Variants in RNF128 observed in about 807,000 individuals in gnomAD.
The protein encoded by RNF128 is E3 ubiquitin-protein ligase RNF128.
In RNF128, 13 loss-of-function variants were observed where a neutral mutation model predicts 26.2. The ratio of observed to expected loss-of-function variants is 0.50; its 90% CI spans 0.32 to 0.79. The LOEUF (loss-of-function observed/expected upper bound fraction) is 0.79, where lower values mean the gene tolerates loss of function less well. RNF128 is among the 30% of genes least tolerant of loss of function. The pLI, the probability that RNF128 is intolerant of heterozygous loss-of-function variation, is 0.03. For missense variants in RNF128, 315 were observed against 349.7 expected (o/e 0.90, Z 0.79); for synonymous variants, 149 against 142.5 (o/e 1.05, Z -0.32).
At chrX:106,756,269 G>A (rs1465015609) in intron 1 of RNF128, among the ~76,000 whole-genome samples, 2 of 111,181 alleles carry the variant, frequency 1.8e-5, no homozygotes, top group Non-Finnish European at 3.8e-5. Flanking sequence ...AAAAGAGCCC[G>A]CATCACCAAG....
chrX:106,742,035 A>G (rs1318984185), intron 1 of RNF128, among the ~76,000 whole-genome samples: 1 of 111,814 alleles, frequency 8.9e-6, no homozygotes. Context: ...GAAATGTTTC[A>G]TTAGTAGCCA....
intron 2 of RNF128, among the ~76,000 whole-genome samples, chrX:106,778,233 G>C (rs1354567246): frequency 9.0e-6 from 1 of 111,559 alleles, no homozygotes; most frequent in African/African-American, 3.3e-5. Flanking sequence ...ACTGTATACT[G>C]TATGTAGTAC....
At chrX:106,771,560 GGGTTATAATCTCCT>G (rs1930371561) in intron 1 of RNF128, among the ~76,000 whole-genome samples, 1 of 112,876 alleles carries the variant, frequency 8.9e-6, no homozygotes, top group African/African-American at 3.2e-5. Context: ...AGCCAGGCGC[GGGTTATAATCTCCT>G]GGTGTGCCAT....
At position 106,730,831 on chromosome X, in the gene RNF128, G is replaced by A. The variant is rs754113653; in HGVS notation, c.484+3434G>A. On this transcript the variant is annotated intron_variant, in intron 1 of 6. Coordinates refer to ENST00000255499, the MANE Select transcript of RNF128 (RefSeq NM_194463.2). ...AGGGCTGTAAAAAAAAAAAGTGAAT[G>A]AACCAAGCAGTTTAATTAATGATTT... Among the ~76,000 whole-genome samples the A allele has an allele frequency of 5.3e-3, 587 of 111,348 alleles. 3 individuals are homozygous for A. Among genetic ancestry groups the A allele is most frequent in the Non-Finnish European group, 8.5e-3 (450 of 52,998 alleles).
chrX:106,743,704 A>C (rs1308090417), intron 1 of RNF128, among the ~76,000 whole-genome samples: 1 of 112,266 alleles, frequency 8.9e-6, no homozygotes, highest in East Asian at 2.8e-4. Flanking sequence ...GCATATCTGA[A>C]TATAGTTTCC....
At chrX:106,772,171 T>C (rs752745403) in intron 1 of RNF128, among the ~76,000 whole-genome samples, 36 of 111,925 alleles carry the variant, frequency 3.2e-4, no homozygotes, top group African/African-American at 1.1e-3. Flanking sequence ...CTTATATAAT[T>C]GGTGGTAGAG....
At chrX:106,784,437 A>G (rs1010246507) in intron 2 of RNF128, among the ~76,000 whole-genome samples, 1 of 111,959 alleles carries the variant, frequency 8.9e-6, no homozygotes, top group Non-Finnish European at 1.9e-5. Context: ...ACATCTAGAT[A>G]TATGCTCAGT....
intron 3 of RNF128, among the ~76,000 whole-genome samples, chrX:106,786,384 C>T (rs1262940042): frequency 9.0e-6 from 1 of 111,325 alleles, no homozygotes; most frequent in East Asian, 2.8e-4. Flanking sequence ...ATTGGATATC[C>T]TTAAGCAAAA....
chrX:106,782,661 T>A, intron 2 of RNF128, among the ~76,000 whole-genome samples: 1 of 111,931 alleles, frequency 8.9e-6, no homozygotes, highest in Admixed American at 9.5e-5. Context: ...TGGGGGTTGT[T>A]GTGAGGATTA....
chrX:106,788,395 A>C (rs1930712925), intron 4 of RNF128, among the ~76,000 whole-genome samples: 3 of 44,659 alleles, frequency 6.7e-5, no homozygotes, highest in Non-Finnish European at 1.0e-4. Flanking sequence ...TATAATATAT[A>C]TTATATATAA....
At position 106,727,246 on chromosome X, in the gene RNF128, C is replaced by G; in HGVS notation, c.333C>G (p.Thr111=). ...CGGTGCCCACGGTTTGGGGAAGCAC[C>G]GTGCAAGTCTCTTGGTTGGCCCTCA... ...NFTVPTVWGS[T]VQVSWLALIQ... The change falls in exon 1 of 7, where the codon ACC becomes ACG. Residue 111 remains threonine, a synonymous_variant. Transcript: ENST00000255499. The G allele has an allele frequency of 8.3e-7, 1 of 1,211,553 alleles. No homozygotes were observed. Among genetic ancestry groups the G allele is most frequent in the Non-Finnish European group, 1.1e-6 (1 of 895,381 alleles).
chrX:106,736,493 G>C (rs1360980254), intron 1 of RNF128, among the ~76,000 whole-genome samples: 2 of 110,774 alleles, frequency 1.8e-5, no homozygotes, highest in Non-Finnish European at 3.8e-5. Flanking sequence ...CAAAAATTTT[G>C]TGCTTCCTTC....
chrX:106,778,329 A>G (rs745629688), intron 2 of RNF128, among the ~76,000 whole-genome samples: 4 of 112,116 alleles, frequency 3.6e-5, no homozygotes, highest in African/African-American at 1.3e-4. Context: ...TACTGTACAA[A>G]CAGTTACTGT....
chrX:106,722,109 C>T (rs1359277443), upstream of RNF128, among the ~76,000 whole-genome samples: 1 of 110,414 alleles, frequency 9.1e-6, no homozygotes, highest in East Asian at 2.8e-4. Flanking sequence ...CAGGGAGTAG[C>T]ATGGAAACTC....
At position 106,727,573 on chromosome X, in the gene RNF128, C is replaced by CA. The variant is rs1275077280; in HGVS notation, c.484+185dup. On this transcript the variant is annotated intron_variant, in intron 1 of 6. Coordinates refer to ENST00000255499, the MANE Select transcript of RNF128 (RefSeq NM_194463.2). ...AGATTCACCAGGCCTGGGTGTTGGG[C>CA]AAAAAAAAATCCTTCATTTGCCTCT... Among the ~76,000 whole-genome samples, 130 of 107,948 alleles carry CA rather than the reference C, an allele frequency of 1.2e-3. 1 individual carries two copies. The highest frequency in any genetic ancestry group is 5.2e-3 in the Admixed American group (53 of 10,209). 93.7% of individuals were successfully genotyped at this position (107,948 alleles called of 115,157 possible). A position where few individuals can be genotyped will look rare whatever the true frequency, so the allele number is the denominator to read the frequency against.
At chrX:106,780,323 G>A (rs958414820) in intron 2 of RNF128, among the ~76,000 whole-genome samples, 31 of 111,522 alleles carry the variant, frequency 2.8e-4, no homozygotes, top group African/African-American at 9.2e-4. Context: ...ATGATCATTG[G>A]TTTGACATTT....
intron 1 of RNF128, among the ~76,000 whole-genome samples, chrX:106,711,270 C>A (rs1052960808): frequency 9.8e-5 from 11 of 111,684 alleles, no homozygotes; most frequent in African/African-American, 3.3e-4. Context: ...TAGTATCCAC[C>A]CCTTCACAGA....
chrX:106,773,131 C>T lies in RNF128; in HGVS notation c.703C>T (p.Arg235Trp), dbSNP rs758694278. ...YFIFYSARRL[R>W]NARAQSRKQR... ...TATCTTTTATTCTGCTCGAAGGCTA[C>T]GGAATGCAAGAGCTCAAAGCAGGAA... Residue 235 changes from arginine (R) to tryptophan (W), a missense_variant, in exon 2 of 7, where the codon CGG (arginine) becomes TGG (tryptophan). Physicochemically the swap from Arg to Trp is moderately radical, Grantham distance 101. Transcript: ENST00000255499. The T allele has an allele frequency of 9.1e-5, 110 of 1,207,657 alleles. No individual in the cohort carries two copies. Among genetic ancestry groups the T allele is most frequent in the Middle Eastern group, 2.3e-4 (1 of 4,369 alleles).
chrX:106,779,118 TCTGA>T (rs1930519669), intron 2 of RNF128, among the ~76,000 whole-genome samples: 1 of 111,720 alleles, frequency 9.0e-6, no homozygotes, highest in Non-Finnish European at 1.9e-5. Flanking sequence ...CAATATTTCT[TCTGA>T]CTTTCTCACT....
Sources: gnomAD v4.1 joint callset for allele counts (sites outside exome capture counted in the v4.1 genomes callset) on GRCh38, gnomAD v4.1.1 for gene constraint, MANE v1.5 for transcripts, NCBI Gene and HGNC (gene_info 2026-07-23, HGNC 2026-07-21) for gene names.